Variants in PLAUR observed in about 807,000 individuals in gnomAD.
PLAUR encodes urokinase plasminogen activator surface receptor.
In PLAUR, 22 loss-of-function variants were observed where a neutral mutation model predicts 33.4. The observed-to-expected ratio is 0.66, with a 90% CI of 0.47 to 0.94. The LOEUF (loss-of-function observed/expected upper bound fraction) is 0.94. Among genes scored for constraint, PLAUR ranks in the 40% least tolerant of loss-of-function variants. The probability of loss-of-function intolerance (pLI) is 0.00; values close to 1 mark genes in which losing one functional copy is unlikely to be tolerated. For synonymous variants in PLAUR, 148 were observed against 167.3 expected, an observed-to-expected ratio of 0.88 and a Z score of 0.89; for missense variants, 408 against 434.7, an observed-to-expected ratio of 0.94 and a Z score of 0.55.
chr19:43,649,570 A>G lies in PLAUR; in HGVS notation c.755-427T>C, dbSNP rs756477611. 4.8e-4 allele frequency among the ~76,000 whole-genome samples: 66 copies of G among 137,432 alleles called. 1 individual carries two copies. The highest frequency in any genetic ancestry group is 1.5e-4 in the Admixed American group (2 of 13,742). 90.2% of individuals were successfully genotyped at this position (137,432 alleles called of 152,430 possible). A position where few individuals can be genotyped will look rare whatever the true frequency, so the allele number is the denominator to read the frequency against. On this transcript the variant is annotated intron_variant, in intron 6 of 6. Transcript: ENST00000340093. ...ACAAATAAAAAGAAAGAAAGGAAGG[A>G]AGGGAGGGAGGGAGGGAGGGAAGAA...
intron 5 of PLAUR, among the ~76,000 whole-genome samples, chr19:43,655,209 G>A (rs947047938): frequency 1.5e-5 from 2 of 136,044 alleles, no homozygotes; most frequent in Non-Finnish European, 3.0e-5. Flanking sequence ...CTCGTGAGGC[G>A]AAGTTTACAG....
intron 3 of PLAUR, chr19:43,656,880 C>A: frequency 2.7e-6 from 1 of 369,058 alleles, no homozygotes; most frequent in Non-Finnish European, 4.9e-6. Context: ...GGTTTCCATT[C>A]TTGTCACCCC....
intron 3 of PLAUR, chr19:43,664,973 C>T (rs1164891661): frequency 1.0e-5 from 3 of 298,316 alleles, no homozygotes; most frequent in South Asian, 6.6e-5. Context: ...GTAATTGTGT[C>T]GTTGGGGTGG....
chr19:43,649,271 A>C (rs889034901), intron 6 of PLAUR, 128 bp from the exon 7 acceptor site: 1 of 1,067,636 alleles, frequency 9.4e-7, no homozygotes, highest in African/African-American at 1.6e-5. Flanking sequence ...AGCAGTTCTC[A>C]GGGCCAGGTG....
At chr19:43,658,802 A>G (rs2239372) in intron 3 of PLAUR, among the ~76,000 whole-genome samples, 85,399 of 151,960 alleles carry the variant, frequency 0.56, 24,597 homozygotes, top group African/African-American at 0.7. Context: ...CCAAAGCCCA[A>G]TCGTCCCCCT....
intron 1 of PLAUR, among the ~76,000 whole-genome samples, chr19:43,669,538 G>A (rs1002738687): frequency 6.6e-6 from 1 of 152,176 alleles, no homozygotes; most frequent in Non-Finnish European, 1.5e-5. Context: ...TGGGCCGGGC[G>A]CGGTGGCTCA....
Position 43,655,393 on chromosome 19 carries a change from T to C in PLAUR, c.607+46A>G, listed in dbSNP as rs1410781421. 1.1e-5 allele frequency: 18 copies of C among 1,597,946 alleles called. No homozygotes were observed. The East Asian group carries it at 2.2e-4, about 20-fold the overall frequency. The stretch of plus-strand genomic sequence containing the variant: ...CTGCGCAGCTGTCTGCCTGAGTGCA[T>C]GCCCCTGCCCGACCCCAGGCCTTGC... On this transcript the variant is annotated intron_variant, in intron 5 of 6. Coordinates refer to ENST00000340093, the MANE Select transcript of PLAUR (RefSeq NM_002659.4).
In PLAUR at chr19:43,668,323, AG is replaced by A. The variant is rs1351164195; in HGVS notation, c.56-633del. The A allele has an allele frequency of 9.1e-6, 9 of 986,360 alleles. No individual in the cohort carries two copies. In the Admixed American group the frequency reaches 4.9e-4, roughly 54 times the overall value. The allele number at this position is 986,360 out of a possible 1,614,324, so 61.1% of individuals were successfully genotyped here. On this transcript the variant is annotated intron_variant, in intron 1 of 6. Transcript: ENST00000340093. ...GTCTCCGCCCTCCAGCTCTCCAACT[AG>A]GTTTTGGCCCCGCTCCAGACTCATC...
intron 4 of PLAUR, among the ~76,000 whole-genome samples, chr19:43,656,144 TCAG>T (rs1974199071): frequency 6.6e-6 from 1 of 151,996 alleles, no homozygotes; most frequent in Admixed American, 6.6e-5. Flanking sequence ...TCCCAGCTAT[TCAG>T]GAGGCTGAGG....
At chr19:43,646,647 CAG>C (rs1276002804), downstream of PLAUR, 2 of 668,986 alleles carry the variant, frequency 3.0e-6, no homozygotes, top group Non-Finnish European at 5.5e-6. Context: ...AAAGCAGTCA[CAG>C]AGTCACTCAT....
At chr19:43,647,867 G>A (rs1379678903), downstream of PLAUR, among the ~76,000 whole-genome samples, 3 of 150,916 alleles carry the variant, frequency 2.0e-5, no homozygotes, top group Non-Finnish European at 2.9e-5. Context: ...GTGGCTTGAC[G>A]GTGAAGGACA....
In PLAUR at chr19:43,652,310, G is replaced by C; in HGVS notation, c.669C>G (p.Ser223Arg). 6.2e-7 allele frequency: 1 copy of C among 1,614,096 alleles called. No homozygotes were observed. The highest frequency in any genetic ancestry group is 1.6e-4 in the Middle Eastern group (1 of 6,062). Residue 223 changes from serine (S) to arginine (R), a missense_variant, in exon 6 of 7, where the codon AGC becomes AGG. Coordinates refer to ENST00000340093, the MANE Select transcript of PLAUR (RefSeq NM_002659.4). ...TCTCTTCAGAGGAGCATCCATGGGT[G>C]CTGTTCCCCTTGCAGCTGTAACACT... Reference protein sequence around the residue: ...GRQCYSCKGNSTHGCSSEETF... With the variant: ...GRQCYSCKGNRTHGCSSEETF...
Position 43,650,453 on chromosome 19 carries a change from G to C in PLAUR, c.755-1310C>G, listed in dbSNP as rs138820240. ...TGACCCTCCCACCTCAGCCTCCCAAGCAGCTGGGACTACAGGCATGCACCA... is the reference window on the plus strand; with the variant it reads ...TGACCCTCCCACCTCAGCCTCCCAACCAGCTGGGACTACAGGCATGCACCA... On this transcript the variant is annotated intron_variant, in intron 6 of 6. Coordinates refer to ENST00000340093, the MANE Select transcript of PLAUR (RefSeq NM_002659.4). 9.0e-3 allele frequency among the ~76,000 whole-genome samples: 1,358 copies of C among 151,426 alleles called. 22 individuals carry two copies. Among genetic ancestry groups the C allele is most frequent in the African/African-American group, 0.031 (1,285 of 41,176 alleles).
chr19:43,666,465 C>G (rs1967256281), intron 2 of PLAUR, among the ~76,000 whole-genome samples: 1 of 150,448 alleles, frequency 6.6e-6, no homozygotes, highest in African/African-American at 2.4e-5. Flanking sequence ...TCTTTTCTTT[C>G]TTTCTCCCCT....
downstream of PLAUR, among the ~76,000 whole-genome samples, chr19:43,648,217 C>T (rs1217054801): frequency 2.0e-5 from 3 of 151,844 alleles, no homozygotes; most frequent in Non-Finnish European, 4.4e-5. Context: ...GCTCTGTCAC[C>T]CAGGCTGGAG....
chr19:43,663,504 G>C (rs562409273), intron 3 of PLAUR, among the ~76,000 whole-genome samples: 1 of 151,972 alleles, frequency 6.6e-6, no homozygotes, highest in Non-Finnish European at 1.5e-5. Context: ...GGATGAGGCC[G>C]GGCACGGTGG....
intron 3 of PLAUR, among the ~76,000 whole-genome samples, chr19:43,659,301 G>A (rs1974344009): frequency 6.6e-6 from 1 of 150,810 alleles, no homozygotes; most frequent in African/African-American, 2.4e-5. Context: ...CTACAGGCAT[G>A]TGCCAGTTCA....
intron 3 of PLAUR, 31 bp downstream of exon 3, chr19:43,665,285 G>A (rs557064860): frequency 1.9e-6 from 3 of 1,610,536 alleles, no homozygotes; most frequent in African/African-American, 1.3e-5. Context: ...GATGGCTTGG[G>A]GTTGGGGATG....
intron 6 of PLAUR, chr19:43,651,700 T>C: frequency 5.7e-6 from 3 of 528,890 alleles, no homozygotes; most frequent in Non-Finnish European, 7.3e-6. Flanking sequence ...CCTCCCAAGG[T>C]GTTGCAATTA....
Sources: allele counts gnomAD v4.1 joint callset (sites outside exome capture counted in the v4.1 genomes callset), GRCh38; gene constraint gnomAD v4.1.1; transcripts MANE v1.5; gene names NCBI Gene and HGNC (gene_info 2026-07-23, HGNC 2026-07-21).